EPB41L4B: variants seen among roughly 807,000 people sequenced by gnomAD.
EPB41L4B encodes the protein erythrocyte membrane protein band 4.1 like 4B.
Under a neutral mutation model 112.5 loss-of-function variants are expected in EPB41L4B, and 30 were observed. The ratio of observed to expected loss-of-function variants is 0.27; its 90% confidence interval spans 0.20 to 0.36. The LOEUF is 0.36. Ranked by LOEUF, EPB41L4B falls within the 10% of genes least tolerant of loss-of-function variation. The pLI, the probability that EPB41L4B is intolerant of heterozygous loss-of-function variation, is 1.00. For synonymous variants in EPB41L4B, 408 were observed against 439.7 expected (o/e 0.93, Z 0.90); for missense variants, 1,024 against 1,133.3 (o/e 0.90, Z 1.38).
intron 22 of EPB41L4B, among the ~76,000 whole-genome samples, chr9:109,185,947 T>A (rs1832248269): frequency 6.6e-6 from 1 of 151,968 alleles, no homozygotes; most frequent in Non-Finnish European, 1.5e-5. Context: ...GGTAGTGGCT[T>A]CTTGGCACGC....
chr9:109,288,514 A>G (rs903967901), intron 1 of EPB41L4B, among the ~76,000 whole-genome samples: 3 of 151,856 alleles, frequency 2.0e-5, no homozygotes, highest in African/African-American at 7.3e-5. Context: ...AGGTCAGGAG[A>G]TCAAGACCAT....
At position 109,255,658 on chromosome 9, in the gene EPB41L4B, A is replaced by T; in HGVS notation, c.1022T>A (p.Phe341Tyr). The part of the protein sequence containing the change: ...DDQGREQEHT[F>Y]VFRLDSARTC... ...CCTGGCACTGTCTAACCGGAACACA[A>T]ACGTGTGCTCTTGCTCACGTCCCTT... The change falls in exon 11 of 26, where the codon TTT (phenylalanine) becomes TAT (tyrosine). Residue 341 changes from phenylalanine to tyrosine, a missense_variant. Phe to Tyr is a conservative substitution (Grantham distance 22, BLOSUM62 3). Coordinates refer to ENST00000374566, the MANE Select transcript of EPB41L4B (RefSeq NM_019114.5). 6.2e-7 allele frequency: 1 copy of T among 1,613,220 alleles called. No homozygotes were observed. Among genetic ancestry groups the T allele is most frequent in the Non-Finnish European group, 8.5e-7 (1 of 1,179,192 alleles).
chr9:109,201,189 G>A (rs762003589), intron 19 of EPB41L4B, among the ~76,000 whole-genome samples: 9 of 152,060 alleles, frequency 5.9e-5, no homozygotes, highest in Non-Finnish European at 8.8e-5. Context: ...AGTGGCTCAC[G>A]CCTGTAATCC....
intron 2 of EPB41L4B, among the ~76,000 whole-genome samples, chr9:109,279,530 A>T (rs947166585): frequency 6.6e-6 from 1 of 152,174 alleles, no homozygotes; most frequent in African/African-American, 2.4e-5. Context: ...AAGAACTTCT[A>T]TAATGATGTT....
At position 109,304,898 on chromosome 9, in the gene EPB41L4B, C is replaced by G. The variant is rs115832294; in HGVS notation, c.306+15243G>C. On this transcript the variant is annotated intron_variant, in intron 1 of 25. Transcript: ENST00000374566. Reference sequence around the variant, plus strand: ...GGGGTTAGGAACAGGGGAGGAATGACGGCTCAACAGGTAGAGGGTTTCCTT... The same window carrying G: ...GGGGTTAGGAACAGGGGAGGAATGAGGGCTCAACAGGTAGAGGGTTTCCTT... Among the ~76,000 whole-genome samples the G allele has an allele frequency of 7.0e-3, 1,058 of 152,140 alleles. 13 individuals are homozygous for G. Among genetic ancestry groups the G allele is most frequent in the African/African-American group, 0.024 (1,015 of 41,474 alleles).
intron 15 of EPB41L4B, among the ~76,000 whole-genome samples, chr9:109,222,026 T>C (rs1833591594): frequency 1.3e-5 from 2 of 152,212 alleles, no homozygotes; most frequent in Non-Finnish European, 2.9e-5. Flanking sequence ...AGTGGTATCA[T>C]GCATTTGTCT....
intron 21 of EPB41L4B, among the ~76,000 whole-genome samples, chr9:109,193,389 A>G (rs1342131087): frequency 6.6e-6 from 1 of 152,250 alleles, no homozygotes; most frequent in African/African-American, 2.4e-5. Context: ...TTTAACCTCC[A>G]CTGAACCTGA....
intron 3 of EPB41L4B, among the ~76,000 whole-genome samples, chr9:109,268,173 A>G (rs887143792): frequency 2.0e-5 from 3 of 152,206 alleles, no homozygotes; most frequent in Non-Finnish European, 2.9e-5. Flanking sequence ...TTCAAATGAG[A>G]GCACAGTTGG....
intron 1 of EPB41L4B, among the ~76,000 whole-genome samples, chr9:109,281,764 G>A (rs2119143126): frequency 1.3e-5 from 2 of 151,970 alleles, no homozygotes; most frequent in South Asian, 4.1e-4. Context: ...ACAAATGTTG[G>A]AGAAGTAGAA....
chr9:109,270,894 C>G (rs1382715349), intron 2 of EPB41L4B, among the ~76,000 whole-genome samples: 1 of 152,148 alleles, frequency 6.6e-6, no homozygotes, highest in Non-Finnish European at 1.5e-5. Flanking sequence ...CAGGTCCCAC[C>G]CAAGACTCAT....
At chr9:109,257,741 T>C (rs900483997) in intron 7 of EPB41L4B, among the ~76,000 whole-genome samples, 1 of 152,142 alleles carries the variant, frequency 6.6e-6, no homozygotes, top group Non-Finnish European at 1.5e-5. Flanking sequence ...CTGCCTGTAA[T>C]CCCAACACTT....
intron 15 of EPB41L4B, among the ~76,000 whole-genome samples, chr9:109,236,690 A>G (rs1588159085): frequency 1.3e-5 from 2 of 152,146 alleles, no homozygotes; most frequent in Non-Finnish European, 2.9e-5. Context: ...AGAACTATTG[A>G]GGATTTCTTT....
intron 5 of EPB41L4B, 114 bp downstream of exon 5, chr9:109,264,866 C>T (rs1835342847): frequency 2.4e-6 from 2 of 828,824 alleles, no homozygotes; most frequent in Non-Finnish European, 3.6e-6. Context: ...ATGCCTGGTG[C>T]ACTTTTTTTG....
chr9:109,292,214 C>T (rs1476010792), intron 1 of EPB41L4B, among the ~76,000 whole-genome samples: 1 of 152,162 alleles, frequency 6.6e-6, no homozygotes, highest in East Asian at 1.9e-4. Context: ...CCATTTATTC[C>T]TCAAGATGCT....
chr9:109,317,588 A>C (rs1046792639), intron 1 of EPB41L4B, among the ~76,000 whole-genome samples: 6 of 152,244 alleles, frequency 3.9e-5, no homozygotes, highest in Non-Finnish European at 7.3e-5. Flanking sequence ...ACTAGGGCTA[A>C]TAAAAAGGTT....
intron 17 of EPB41L4B, among the ~76,000 whole-genome samples, chr9:109,210,162 GA>G (rs1190154384): frequency 6.6e-6 from 1 of 152,072 alleles, no homozygotes; most frequent in Non-Finnish European, 1.5e-5. Flanking sequence ...CCATCAAGCT[GA>G]ATCTGAAGAA....
chr9:109,194,927 A>C (rs962246895), intron 20 of EPB41L4B, among the ~76,000 whole-genome samples: 47 of 152,274 alleles, frequency 3.1e-4, no homozygotes, highest in African/African-American at 1.0e-3. Context: ...TAGTCACCAT[A>C]ATATTTTTAA....
chr9:109,236,258 G>GA (rs749060640), intron 15 of EPB41L4B, among the ~76,000 whole-genome samples: 34 of 152,080 alleles, frequency 2.2e-4, no homozygotes, highest in Non-Finnish European at 4.4e-4. Flanking sequence ...GATTGCAGGG[G>GA]GCCAGTTAAT....
At chr9:109,188,081 A>G (rs1319727568) in intron 22 of EPB41L4B, among the ~76,000 whole-genome samples, 2 of 152,092 alleles carry the variant, frequency 1.3e-5, no homozygotes, top group African/African-American at 4.8e-5. Context: ...TCATCTGTAC[A>G]TGCTTGGCTT....
Sources: gnomAD v4.1 joint callset for allele counts (sites outside exome capture counted in the v4.1 genomes callset) on GRCh38, gnomAD v4.1.1 for gene constraint, MANE v1.5 for transcripts, NCBI Gene and HGNC (gene_info 2026-07-23, HGNC 2026-07-21) for gene names.